NKAIN1: variants seen among roughly 807,000 people sequenced by gnomAD.
NKAIN1 encodes sodium/potassium-transporting ATPase subunit beta-1-interacting protein 1.
A neutral mutation model predicts 31.6 loss-of-function variants in NKAIN1; 13 were observed. The ratio of observed to expected loss-of-function variants is 0.41; its 90% CI spans 0.27 to 0.65. The LOEUF (loss-of-function observed/expected upper bound fraction) is 0.65, where lower values mean the gene tolerates loss of function less well. NKAIN1 is among the 30% of genes least tolerant of loss of function. NKAIN1 has a pLI of 0.30. For missense variants in NKAIN1, 193 were observed against 262.2 expected (o/e 0.74, Z 1.82); for synonymous variants, 104 against 109.0 (o/e 0.95, Z 0.28).
intron 1 of NKAIN1, among the ~76,000 whole-genome samples, chr1:31,229,884 T>C (rs1001919737): frequency 3.9e-5 from 6 of 152,124 alleles, no homozygotes; most frequent in Non-Finnish European, 7.4e-5. Context: ...CTTTTCCCCA[T>C]ACAGAGCAAG....
intron 1 of NKAIN1, among the ~76,000 whole-genome samples, chr1:31,214,788 A>G (rs1215578941): frequency 6.6e-6 from 1 of 152,160 alleles, no homozygotes; most frequent in Non-Finnish European, 1.5e-5. Context: ...AGGGAGGGAG[A>G]TGGACATAAT....
intron 1 of NKAIN1, among the ~76,000 whole-genome samples, chr1:31,215,700 GC>G (rs1645506673): frequency 6.6e-6 from 1 of 152,106 alleles, no homozygotes; most frequent in African/African-American, 2.4e-5. Flanking sequence ...CCAACCGAAG[GC>G]CCTGGGAGGG....
At position 31,182,384 on chromosome 1, in the gene NKAIN1, C is replaced by A; in HGVS notation, c.532+146G>T. ...GCCTGGAACGGGCTGGTATGCAGAG[C>A]CTTCCATACCAGCCGCCTCTTCCCC... On this transcript the variant is annotated intron_variant, in intron 5 of 6. Transcript: ENST00000373736. 3.6e-6 allele frequency: 3 copies of A among 822,050 alleles called. No homozygotes were observed. In the Admixed American group the frequency reaches 6.9e-5, roughly 19 times the overall value. 50.9% of individuals were successfully genotyped at this position (822,050 alleles called of 1,614,324 possible). A position where few individuals can be genotyped will look rare whatever the true frequency, so the allele number is the denominator to read the frequency against.
At chr1:31,216,560 C>T (rs1645513980) in intron 1 of NKAIN1, among the ~76,000 whole-genome samples, 3 of 152,106 alleles carry the variant, frequency 2.0e-5, no homozygotes, top group Admixed American at 1.3e-4. Context: ...GGACCAGGTC[C>T]CCTGGCTCAT....
chr1:31,195,335 T>C (rs1433882807), intron 1 of NKAIN1, among the ~76,000 whole-genome samples: 2 of 151,566 alleles, frequency 1.3e-5, no homozygotes, highest in Non-Finnish European at 2.9e-5. Context: ...TTGGCCAGGC[T>C]GGTCTTGAAC....
At chr1:31,224,573 C>A (rs546732901) in intron 1 of NKAIN1, among the ~76,000 whole-genome samples, 11 of 152,334 alleles carry the variant, frequency 7.2e-5, no homozygotes, top group African/African-American at 1.7e-4. Context: ...CAGAAACATA[C>A]CACAGCCCCC....
intron 1 of NKAIN1, among the ~76,000 whole-genome samples, chr1:31,192,661 C>T (rs1177831768): frequency 1.3e-5 from 2 of 152,100 alleles, no homozygotes; most frequent in African/African-American, 4.8e-5. Context: ...CGCCATTCTC[C>T]TGCCTCAGCC....
At chr1:31,218,074 T>TCTTTCTCTTTCTTTCTTTCTTTC (rs1570472285) in intron 1 of NKAIN1, among the ~76,000 whole-genome samples, 1 of 148,280 alleles carries the variant, frequency 6.7e-6, no homozygotes, top group African/African-American at 2.6e-5. Context: ...CTTTCTTTTT[T>TCTTTCTCTTTCTTTCTTTCTTTC]TTTTTTGAGA....
At chr1:31,202,939 T>G (rs1356845839) in intron 1 of NKAIN1, among the ~76,000 whole-genome samples, 1 of 137,842 alleles carries the variant, frequency 7.3e-6, no homozygotes, top group Non-Finnish European at 1.5e-5. Flanking sequence ...ATCACACCAC[T>G]GCACTCTAGC....
chr1:31,237,123 C>A (rs951243261), intron 1 of NKAIN1, among the ~76,000 whole-genome samples: 1 of 151,986 alleles, frequency 6.6e-6, no homozygotes, highest in Non-Finnish European at 1.5e-5. Context: ...TGGTGGTGTG[C>A]CCCCGTAGTC....
At chr1:31,223,308 G>A (rs190322094) in intron 1 of NKAIN1, among the ~76,000 whole-genome samples, 4 of 150,652 alleles carry the variant, frequency 2.7e-5, no homozygotes, top group East Asian at 2.0e-4. Flanking sequence ...CCTGGGAGGC[G>A]GAGGTTGCCA....
intron 1 of NKAIN1, among the ~76,000 whole-genome samples, chr1:31,212,268 C>A (rs754081047): frequency 6.6e-6 from 1 of 152,102 alleles, no homozygotes; most frequent in Non-Finnish European, 1.5e-5. Flanking sequence ...AATAAAGGTG[C>A]ACTCCTTCCT....
intron 1 of NKAIN1, among the ~76,000 whole-genome samples, chr1:31,215,663 C>T (rs1018127801): frequency 1.3e-5 from 2 of 152,072 alleles, no homozygotes; most frequent in African/African-American, 4.8e-5. Context: ...GGTAATCCAT[C>T]GTATATGAGG....
chr1:31,186,397 T>G (rs1256032790), intron 2 of NKAIN1, among the ~76,000 whole-genome samples: 35 of 142,330 alleles, frequency 2.5e-4, no homozygotes, highest in East Asian at 1.0e-3. Flanking sequence ...CTTTTGTGTT[T>G]TTTTTTTTTT....
intron 1 of NKAIN1, among the ~76,000 whole-genome samples, chr1:31,217,272 C>G (rs530969720): frequency 6.6e-6 from 1 of 152,318 alleles, no homozygotes; most frequent in South Asian, 2.1e-4. Context: ...TCAAGTGATT[C>G]TCTTGCCTCA....
intron 1 of NKAIN1, among the ~76,000 whole-genome samples, chr1:31,236,555 A>G (rs1480681880): frequency 1.3e-5 from 2 of 152,136 alleles, no homozygotes; most frequent in Admixed American, 6.6e-5. Context: ...GTAGGGGCTC[A>G]TGGAGGTTAG....
intron 1 of NKAIN1, among the ~76,000 whole-genome samples, chr1:31,237,128 G>A (rs540361701): frequency 2.0e-4 from 31 of 152,206 alleles, no homozygotes; most frequent in Admixed American, 3.9e-4. Flanking sequence ...GTGTGCCCCC[G>A]TAGTCCCAGG....
At position 31,181,348 on chromosome 1, in the gene NKAIN1, A is replaced by AG. The variant is rs1400053994; in HGVS notation, c.*354dup. 8.0e-6 allele frequency: 2 copies of AG among 248,654 alleles called. No homozygotes were observed. Among genetic ancestry groups the AG allele is most frequent in the East Asian group, 1.4e-4 (2 of 14,030 alleles). The allele number at this position is 248,654 out of a possible 1,614,324, so 15.4% of individuals were successfully genotyped here. A position where few individuals can be genotyped will look rare whatever the true frequency, so the allele number is the denominator to read the frequency against. Reference sequence around the variant, plus strand: ...GTCTGATGTCCTGCTGTTTTTGGACAGGGGGGCAGGATGCTGGGTGAAGAG... The same window carrying AG: ...GTCTGATGTCCTGCTGTTTTTGGACAGGGGGGGCAGGATGCTGGGTGAAGAG... On this transcript the variant is annotated 3_prime_UTR_variant, in exon 7 of 7. Transcript: ENST00000373736.
At chr1:31,195,892 CAAAA>C (rs35343235) in intron 1 of NKAIN1, among the ~76,000 whole-genome samples, 1 of 118,164 alleles carries the variant, frequency 8.5e-6, no homozygotes, top group African/African-American at 3.3e-5. Flanking sequence ...CTACCTGTCT[CAAAA>C]AAAAAAAAAA....
Sources: allele counts gnomAD v4.1 joint callset (sites outside exome capture counted in the v4.1 genomes callset), GRCh38; gene constraint gnomAD v4.1.1; transcripts MANE v1.5; gene names NCBI Gene and HGNC (gene_info 2026-07-23, HGNC 2026-07-21).